The following HNRNPR variants were observed in gnomAD, a reference collection of about 807,000 sequenced individuals.
HNRNPR encodes heterogeneous nuclear ribonucleoprotein R.
Under a neutral mutation model 70.3 loss-of-function variants are expected in HNRNPR, and 4 were observed. The observed-to-expected ratio is 0.06, with a 90% CI of 0.03 to 0.13. The LOEUF (loss-of-function observed/expected upper bound fraction) is 0.13, where lower values mean the gene tolerates loss of function less well. Among genes scored for constraint, HNRNPR ranks in the 10% least tolerant of loss-of-function variants. HNRNPR has a pLI of 1.00. For synonymous variants in HNRNPR, 241 were observed against 267.6 expected (o/e 0.90, Z 0.97); for missense variants, 423 against 788.5 (o/e 0.54, Z 5.55).
rs928258653 is a variant in HNRNPR, at chr1:23,311,405, T to C, written c.1168-83A>G. 1.0e-5 allele frequency: 9 copies of C among 884,530 alleles called. No homozygotes were observed. The African/African-American group carries it at 1.4e-4, about 13-fold the overall frequency. The allele number at this position is 884,530 out of a possible 1,614,324, so 54.8% of individuals were successfully genotyped here. A position where few individuals can be genotyped will look rare whatever the true frequency, so the allele number is the denominator to read the frequency against. On this transcript the variant is annotated intron_variant, in intron 9 of 10. Transcript: ENST00000302271. Reference sequence around the variant, plus strand: ...TAGTATGTAAGCTATTATACTTGTGTAATTTAATACACTTAACAATTTACT... The same window carrying C: ...TAGTATGTAAGCTATTATACTTGTGCAATTTAATACACTTAACAATTTACT...
intron 7 of HNRNPR, among the ~76,000 whole-genome samples, chr1:23,319,240 T>G (rs1270730043): frequency 6.6e-6 from 1 of 152,204 alleles, no homozygotes; most frequent in Non-Finnish European, 1.5e-5. Context: ...TTATAAATAC[T>G]TAGATTTTTT....
intron 8 of HNRNPR, among the ~76,000 whole-genome samples, chr1:23,316,689 T>C (rs550911984): frequency 2.6e-5 from 4 of 152,302 alleles, no homozygotes; most frequent in African/African-American, 9.6e-5. Flanking sequence ...ATCTTAGAGA[T>C]TGATCCAGGC....
intron 5 of HNRNPR, among the ~76,000 whole-genome samples, chr1:23,332,716 AAAACC>A (rs1646292474): frequency 6.8e-6 from 1 of 146,608 alleles, no homozygotes; most frequent in African/African-American, 2.5e-5. Flanking sequence ...AAAAAAAAAC[AAAACC>A]AAACCAAAAA....
At chr1:23,313,169 G>A (rs1645400776) in intron 9 of HNRNPR, among the ~76,000 whole-genome samples, 3 of 152,224 alleles carry the variant, frequency 2.0e-5, no homozygotes, top group Middle Eastern at 3.4e-3. Flanking sequence ...TATACTGTAT[G>A]AGTCATGTAC....
rs1240979034 is a variant in HNRNPR, at chr1:23,318,871, T to C, written c.812-183A>G. On this transcript the variant is annotated intron_variant, in intron 7 of 10. Coordinates refer to ENST00000302271, the MANE Select transcript of HNRNPR (RefSeq NM_005826.5). The surrounding 1 kb of genome is among the most constrained non-coding windows in gnomAD (Gnocchi z 4.2). ...ATGGGGTTTGGGACAGTATTTGATG[T>C]TCCTTTTTAATTTTAGGGGTTCTGA... Among the ~76,000 whole-genome samples the C allele has an allele frequency of 2.0e-5, 3 of 152,208 alleles. No individual in the cohort carries two copies. Among genetic ancestry groups the C allele is most frequent in the East Asian group, 1.9e-4 (1 of 5,202 alleles).
At chr1:23,327,707 A>AATAAATAAATAAATAAATAT in intron 5 of HNRNPR, among the ~76,000 whole-genome samples, 1 of 151,952 alleles carries the variant, frequency 6.6e-6, no homozygotes, top group East Asian at 1.9e-4. Flanking sequence ...TAAATAAATA[A>AATAAATAAATAAATAAATAT]ATAAATAAAT....
intron 4 of HNRNPR, among the ~76,000 whole-genome samples, chr1:23,337,204 A>C (rs568267390): frequency 1.3e-5 from 2 of 152,246 alleles, no homozygotes; most frequent in Admixed American, 6.5e-5. Context: ...CTACCAGCGA[A>C]GCATCAATAA....
intron 4 of HNRNPR, among the ~76,000 whole-genome samples, chr1:23,336,074 G>C (rs570736028): frequency 8.3e-6 from 1 of 121,108 alleles, no homozygotes; most frequent in South Asian, 2.8e-4. Flanking sequence ...CCGAGATCCC[G>C]CCACTGCACT....
Position 23,313,641 on chromosome 1 carries a change from G to T in HNRNPR, c.1079C>A (p.Ser360Ter). The change falls in exon 9 of 11, where the codon TCA becomes TAA. Residue 360 changes from serine to a stop codon, truncating the protein, a stop_gained. Transcript: ENST00000302271. LOFTEE classifies it high-confidence loss of function. ...TTCGAGTTTTCCAAATTCAGAAAAT[G>T]ACTTTTCCAATATTTCTTCTGTCAC... ...TTVTEEILEK[S>*]FSEFGKLERV... The T allele has an allele frequency of 6.2e-7, 1 of 1,604,924 alleles. No individual in the cohort carries two copies. Among genetic ancestry groups the T allele is most frequent in the South Asian group, 1.1e-5 (1 of 88,956 alleles).
intron 1 of HNRNPR, among the ~76,000 whole-genome samples, chr1:23,341,306 G>T (rs1264347247): frequency 6.6e-6 from 1 of 152,150 alleles, no homozygotes; most frequent in Non-Finnish European, 1.5e-5. Context: ...AAAAGCAGCT[G>T]TTCTGTCCTG....
At chr1:23,334,420 T>C (rs1646380826) in intron 4 of HNRNPR, among the ~76,000 whole-genome samples, 1 of 151,674 alleles carries the variant, frequency 6.6e-6, no homozygotes, top group Admixed American at 6.6e-5. Context: ...GTATTTTTAG[T>C]AAAGACAGGG....
In HNRNPR at chr1:23,307,892, A is replaced by G. The variant is rs187458715; in HGVS notation, c.*2562T>C. On this transcript the variant is annotated 3_prime_UTR_variant, in exon 11 of 11. Transcript: ENST00000302271. ...GAGAGCAGGAAACCAAATTCCTTAC[A>G]CTCATAATTTGTACCTAATTTAAAA... 4.0e-5 allele frequency: 6 copies of G among 150,402 alleles called. No homozygotes were observed. Among genetic ancestry groups the G allele is most frequent in the Admixed American group, 2.6e-4 (4 of 15,130 alleles). 9.3% of individuals were successfully genotyped at this position (150,402 alleles called of 1,614,324 possible).
chr1:23,326,050 GAAGA>G (rs1645960906), intron 5 of HNRNPR, among the ~76,000 whole-genome samples: 1 of 152,078 alleles, frequency 6.6e-6, no homozygotes, highest in African/African-American at 2.4e-5. Context: ...GCGGTTGGGG[GAAGA>G]GAGAGGCTCT....
chr1:23,338,538 A>C lies in HNRNPR; in HGVS notation c.228T>G (p.Ala76=), dbSNP rs1244672586. 31 of 1,599,228 alleles carry C rather than the reference A, an allele frequency of 1.9e-5. No individual in the cohort carries two copies. The highest frequency in any genetic ancestry group is 2.0e-5 in the Non-Finnish European group (24 of 1,171,580). The part of the protein sequence containing the change: ...DALREFNEEG[A]LSVLQQFKES... ...CCTTGAACTGCTGTAGTACAGACAGAGCTCCTTCTTCATTAAATTCCCTGA... is the reference window on the plus strand; with the variant it reads ...CCTTGAACTGCTGTAGTACAGACAGCGCTCCTTCTTCATTAAATTCCCTGA... Residue 76 remains alanine (A), a synonymous_variant, in exon 3 of 11, where the codon GCT becomes GCG. Transcript: ENST00000302271.
chr1:23,325,098 C>T (rs1364251511), intron 5 of HNRNPR, among the ~76,000 whole-genome samples: 1 of 151,956 alleles, frequency 6.6e-6, no homozygotes, highest in East Asian at 1.9e-4. Context: ...CGAGATCGCG[C>T]CACTACACTC....
chr1:23,340,829 GA>G (rs1444101156), intron 2 of HNRNPR, 22 bp downstream of exon 2: 2 of 1,581,066 alleles, frequency 1.3e-6, no homozygotes, highest in East Asian at 2.3e-5. Context: ...TAACCAGTCA[GA>G]AACAAGAAAT....
At chr1:23,331,834 TAAAAAAAAAAAA>T (rs59006948) in intron 5 of HNRNPR, among the ~76,000 whole-genome samples, 6,205 of 59,528 alleles carry the variant, frequency 0.1, 604 homozygotes, top group African/African-American at 0.26. Flanking sequence ...ACTGTTTCTT[TAAAAAAAAAAAA>T]AAAAAAAAAA....
chr1:23,305,177 G>A lies in HNRNPR; in HGVS notation c.*5277C>T, dbSNP rs1645185498. ...TGTTTAAAGTCAACAAACTGGCATT[G>A]CATTTTCCTTAACTTACATAAACTC... On this transcript the variant is annotated 3_prime_UTR_variant, in exon 11 of 11. Coordinates refer to ENST00000302271, the MANE Select transcript of HNRNPR (RefSeq NM_005826.5). 1.3e-5 allele frequency: 2 copies of A among 152,216 alleles called. No individual in the cohort carries two copies. Among genetic ancestry groups the A allele is most frequent in the South Asian group, 4.1e-4 (2 of 4,822 alleles). 9.4% of individuals were successfully genotyped at this position (152,216 alleles called of 1,614,324 possible).
intron 8 of HNRNPR, among the ~76,000 whole-genome samples, chr1:23,314,654 G>T (rs1406906702): frequency 6.6e-6 from 1 of 152,136 alleles, no homozygotes. Context: ...TGAGACATTT[G>T]TTATCAGGCT....
Sources: allele counts gnomAD v4.1 joint callset (sites outside exome capture counted in the v4.1 genomes callset), GRCh38; gene constraint gnomAD v4.1.1; non-coding constraint Gnocchi (gnomAD v3.1); transcripts MANE v1.5; gene names NCBI Gene and HGNC (gene_info 2026-07-23, HGNC 2026-07-21).